The following SYCE3 variants were observed in gnomAD, a reference collection of about 807,000 sequenced individuals.
The protein encoded by SYCE3 is synaptonemal complex central element protein 3.
SYCE3 carries 3 observed loss-of-function variants against 8.1 expected under a neutral mutation model. The observed-to-expected ratio is 0.37, with a 90% CI of 0.17 to 0.96. The LOEUF (loss-of-function observed/expected upper bound fraction) is 0.96. Ranked by LOEUF, SYCE3 falls within the 40% of genes least tolerant of loss-of-function variation. The pLI, the probability that SYCE3 is intolerant of heterozygous loss-of-function variation, is 0.41. For missense variants in SYCE3, 83 were observed against 110.0 expected (o/e 0.75, Z 1.10); for synonymous variants, 36 against 38.7 (o/e 0.93, Z 0.26).
chr22:50,555,743 A>C (rs2069853716), intron 2 of SYCE3, among the ~76,000 whole-genome samples: 1 of 151,876 alleles, frequency 6.6e-6, no homozygotes, highest in South Asian at 2.1e-4. Flanking sequence ...ATAACCTGGA[A>C]TCATCCCCCT....
intron 2 of SYCE3, among the ~76,000 whole-genome samples, chr22:50,555,163 C>T (rs1603442768): frequency 1.8e-5 from 1 of 56,066 alleles, no homozygotes; most frequent in African/African-American, 8.7e-5. Flanking sequence ...TGTGCTCTGA[C>T]CACCTTGGGC....
chr22:50,551,211 G>A lies in SYCE3; in HGVS notation c.*34C>T, dbSNP rs984947993. 7 of 1,548,208 alleles carry A rather than the reference G, an allele frequency of 4.5e-6. No individual in the cohort carries two copies. Among genetic ancestry groups the A allele is most frequent in the Non-Finnish European group, 6.1e-6 (7 of 1,144,774 alleles). On this transcript the variant is annotated 3_prime_UTR_variant, in exon 3 of 3. Transcript: ENST00000406915. ...CCAGTGACCTCTTCATACGGGCAGA[G>A]GGTGGCATGGCAGCTGTGGTGGGCC...
chr22:50,551,192 A>T lies in SYCE3; in HGVS notation c.*53T>A, dbSNP rs2069803654. ...TGGGTGCCAGCTCCATCCCCCAGTG[A>T]CCTCTTCATACGGGCAGAGGGTGGC... On this transcript the variant is annotated 3_prime_UTR_variant, in exon 3 of 3. Coordinates refer to ENST00000406915, the MANE Select transcript of SYCE3 (RefSeq NM_001123225.3). 1.3e-6 allele frequency: 2 copies of T among 1,539,610 alleles called. No homozygotes were observed. The highest frequency in any genetic ancestry group is 2.7e-5 in the African/African-American group (2 of 72,866).
chr22:50,551,185 C>T lies in SYCE3; in HGVS notation c.*60G>A. 6.5e-7 allele frequency: 1 copy of T among 1,536,340 alleles called. No individual in the cohort carries two copies. The highest frequency in any genetic ancestry group is 1.2e-5 in the South Asian group (1 of 82,634). On this transcript the variant is annotated 3_prime_UTR_variant, in exon 3 of 3. Transcript: ENST00000406915. ...ATTCATGTGGGTGCCAGCTCCATCC[C>T]CCAGTGACCTCTTCATACGGGCAGA...
At chr22:50,553,084 A>G (rs747046204) in intron 2 of SYCE3, among the ~76,000 whole-genome samples, 6 of 152,158 alleles carry the variant, frequency 3.9e-5, no homozygotes, top group Non-Finnish European at 8.8e-5. Flanking sequence ...TGTAGTTGCA[A>G]CTACTCAGGA....
intron 2 of SYCE3, 60 bp from the exon 3 acceptor site, chr22:50,551,462 C>T: frequency 1.3e-6 from 2 of 1,502,040 alleles, no homozygotes; most frequent in Admixed American, 2.0e-5. Flanking sequence ...CTGGGGTGCC[C>T]CAGAAGGGTC....
intron 1 of SYCE3, 39 bp from the exon 2 acceptor site, chr22:50,556,444 C>T (rs1194286533): frequency 3.6e-6 from 5 of 1,405,982 alleles, no homozygotes; most frequent in African/African-American, 1.4e-5. Flanking sequence ...TCAGACAGAC[C>T]TACATTTCAA....
chr22:50,560,556 T>G (rs1263777736), intron 1 of SYCE3, among the ~76,000 whole-genome samples: 1 of 151,898 alleles, frequency 6.6e-6, no homozygotes, highest in African/African-American at 2.4e-5. Context: ...GTAAAAATAT[T>G]TCATGAATTA....
rs1370598779 is a variant in SYCE3 at position 50,551,363 on chromosome 22, C to T, written c.149G>A (p.Arg50His). 9.7e-6 allele frequency: 15 copies of T among 1,550,876 alleles called. No homozygotes were observed. In the Admixed American group the frequency reaches 1.4e-4, roughly 14 times the overall value. ...GGACTCGGCCAGCGTAGGGTTGGTG[C>T]GCATCACCACCATGTCATAGGCCAT... ...TWMAYDMVVMRTNPTLAESMR... is the reference protein window; with the variant it reads ...TWMAYDMVVMHTNPTLAESMR... Residue 50 changes from arginine (R) to histidine (H), a missense_variant, in exon 3 of 3, where the codon CGC becomes CAC. Coordinates refer to ENST00000406915, the MANE Select transcript of SYCE3 (RefSeq NM_001123225.3).
chr22:50,556,414 T>C lies in SYCE3; in HGVS notation c.1-9A>G, dbSNP rs573819993. 6 of 1,544,080 alleles carry C rather than the reference T, an allele frequency of 3.9e-6. No individual in the cohort carries two copies. Among genetic ancestry groups the C allele is most frequent in the Non-Finnish European group, 5.3e-6 (6 of 1,141,034 alleles). ...GGGTCAGCATCATCCATCTAGGCAATGCACAGAAAGAAGCTGCAGTCAGAC... is the reference window on the plus strand; with the variant it reads ...GGGTCAGCATCATCCATCTAGGCAACGCACAGAAAGAAGCTGCAGTCAGAC... On this transcript the variant is annotated splice_polypyrimidine_tract_variant and intron_variant, in intron 1 of 2. Transcript: ENST00000406915.
chr22:50,558,252 A>C (rs131770), intron 1 of SYCE3, among the ~76,000 whole-genome samples: 119,151 of 151,914 alleles, frequency 0.78, 47,167 homozygotes, highest in East Asian at 0.99. Flanking sequence ...GGTGAAACCC[A>C]GTCTCTACTA....
intron 2 of SYCE3, among the ~76,000 whole-genome samples, chr22:50,552,970 G>A (rs1042865720): frequency 3.9e-5 from 6 of 152,158 alleles, no homozygotes; most frequent in Non-Finnish European, 8.8e-5. Flanking sequence ...GGCTGAGGTG[G>A]GTGGATCACT....
At chr22:50,552,753 C>T (rs1025995879) in intron 2 of SYCE3, among the ~76,000 whole-genome samples, 1 of 152,112 alleles carries the variant, frequency 6.6e-6, no homozygotes, top group Non-Finnish European at 1.5e-5. Context: ...TCCTAACCCC[C>T]GACGTGATGG....
chr22:50,561,193 A>G (rs2069911093), intron 1 of SYCE3, among the ~76,000 whole-genome samples: 1 of 152,156 alleles, frequency 6.6e-6, no homozygotes. Flanking sequence ...GGGGTGAAGC[A>G]GAGGCATAGA....
intron 2 of SYCE3, among the ~76,000 whole-genome samples, chr22:50,555,525 A>G (rs2069851598): frequency 6.6e-6 from 1 of 152,198 alleles, no homozygotes; most frequent in Non-Finnish European, 1.5e-5. Context: ...TAGCATTAAC[A>G]TGAACACAGA....
At chr22:50,556,499 C>G in intron 1 of SYCE3, 94 bp from the exon 2 acceptor site, 1 of 866,468 alleles carries the variant, frequency 1.2e-6, no homozygotes, top group Non-Finnish European at 1.8e-6. Context: ...CTAAGGAATT[C>G]TTTCCCCATC....
intron 1 of SYCE3, among the ~76,000 whole-genome samples, chr22:50,557,645 T>A (rs980662633): frequency 3.3e-4 from 51 of 152,344 alleles, no homozygotes; most frequent in African/African-American, 1.1e-3. Flanking sequence ...CTCCTCACCT[T>A]TATTAATATA....
chr22:50,555,792 TC>T (rs1197461258), intron 2 of SYCE3, among the ~76,000 whole-genome samples: 2 of 129,738 alleles, frequency 1.5e-5, no homozygotes, highest in African/African-American at 2.9e-5. Flanking sequence ...CCAATGTACA[TC>T]TTTTTTTTTT....
intron 1 of SYCE3, among the ~76,000 whole-genome samples, chr22:50,558,244 T>C (rs1289884306): frequency 1.3e-5 from 2 of 151,984 alleles, no homozygotes; most frequent in African/African-American, 4.8e-5. Context: ...GCCAACATGG[T>C]GAAACCCAGT....
Sources: allele counts gnomAD v4.1 joint callset (sites outside exome capture counted in the v4.1 genomes callset), GRCh38; gene constraint gnomAD v4.1.1; transcripts MANE v1.5; gene names NCBI Gene and HGNC (gene_info 2026-07-23, HGNC 2026-07-21).